The following HCN1 variants were observed in gnomAD, a reference collection of about 807,000 sequenced individuals.
HCN1 encodes potassium/sodium hyperpolarization-activated cyclic nucleotide-gated channel 1.
A neutral mutation model predicts 78.9 loss-of-function variants in HCN1; 13 were observed. The ratio of observed to expected loss-of-function variants is 0.16; its 90% CI spans 0.11 to 0.26. The LOEUF (loss-of-function observed/expected upper bound fraction) is 0.26. Among genes scored for constraint, HCN1 ranks in the 10% least tolerant of loss-of-function variants. The pLI, the probability that HCN1 is intolerant of heterozygous loss-of-function variation, is 1.00. For synonymous variants in HCN1, 552 were observed against 455.5 expected, an observed-to-expected ratio of 1.21 and a Z score of -2.70; for missense variants, 810 against 1,154.3, an observed-to-expected ratio of 0.70 and a Z score of 4.32.
At chr5:45,687,542 T>C (rs1739832405) in intron 1 of HCN1, among the ~76,000 whole-genome samples, 1 of 152,210 alleles carries the variant, frequency 6.6e-6, no homozygotes, top group African/African-American at 2.4e-5. Context: ...TACTATTTTT[T>C]TCATAGCAAC....
At chr5:45,318,168 AC>A (rs763495903) in intron 5 of HCN1, among the ~76,000 whole-genome samples, 2 of 152,206 alleles carry the variant, frequency 1.3e-5, no homozygotes, top group Non-Finnish European at 2.9e-5. Flanking sequence ...AACAACCCAA[AC>A]GTCCATCAAT....
intron 2 of HCN1, among the ~76,000 whole-genome samples, chr5:45,612,444 C>T (rs546356708): frequency 6.6e-6 from 1 of 152,260 alleles, no homozygotes; most frequent in South Asian, 2.1e-4. Context: ...TTTATAATGA[C>T]AGCCAACACA....
At chr5:45,648,294 C>A (rs1049093540) in intron 1 of HCN1, among the ~76,000 whole-genome samples, 2 of 152,090 alleles carry the variant, frequency 1.3e-5, no homozygotes. Context: ...TCCCTCAGAG[C>A]AATAGAGATG....
intron 6 of HCN1, among the ~76,000 whole-genome samples, chr5:45,275,591 A>T (rs1448111156): frequency 1.3e-5 from 2 of 152,120 alleles, no homozygotes; most frequent in African/African-American, 2.4e-5. Context: ...CTTGCATAAA[A>T]TCAGCTTTAC....
intron 3 of HCN1, among the ~76,000 whole-genome samples, chr5:45,415,320 G>A (rs989964742): frequency 1.3e-5 from 2 of 151,762 alleles, no homozygotes; most frequent in African/African-American, 4.8e-5. Context: ...CTAGTTACAC[G>A]TCAAATCATG....
At chr5:45,385,059 G>C (rs1747885254) in intron 4 of HCN1, among the ~76,000 whole-genome samples, 1 of 152,062 alleles carries the variant, frequency 6.6e-6, no homozygotes, top group Non-Finnish European at 1.5e-5. Flanking sequence ...TAATTATCTG[G>C]ATGGTAATTT....
chr5:45,694,895 G>GA (rs1739975010), intron 1 of HCN1, among the ~76,000 whole-genome samples: 1 of 152,188 alleles, frequency 6.6e-6, no homozygotes, highest in Admixed American at 6.5e-5. Context: ...TGGAGGACGT[G>GA]AAAAAGATTT....
chr5:45,592,425 T>G (rs986108961), intron 2 of HCN1, among the ~76,000 whole-genome samples: 20 of 152,278 alleles, frequency 1.3e-4, no homozygotes, highest in Admixed American at 1.3e-3. Flanking sequence ...TATTTTATTT[T>G]TCATGGGAAC....
At chr5:45,315,943 G>A (rs973927608) in intron 5 of HCN1, among the ~76,000 whole-genome samples, 4 of 152,102 alleles carry the variant, frequency 2.6e-5, no homozygotes, top group African/African-American at 7.2e-5. Flanking sequence ...ACCAAAAAAA[G>A]TACAGGACCA....
At chr5:45,361,165 T>G (rs1377520468) in intron 4 of HCN1, among the ~76,000 whole-genome samples, 1 of 152,136 alleles carries the variant, frequency 6.6e-6, no homozygotes, top group Non-Finnish European at 1.5e-5. Context: ...CTGCCTCAGC[T>G]GTAGCTGAGA....
intron 3 of HCN1, among the ~76,000 whole-genome samples, chr5:45,424,613 A>G (rs1021682507): frequency 2.0e-5 from 3 of 152,178 alleles, no homozygotes; most frequent in African/African-American, 7.2e-5. Flanking sequence ...AATCACAAAT[A>G]TTATTAAATT....
intron 3 of HCN1, among the ~76,000 whole-genome samples, chr5:45,427,061 G>T (rs929371162): frequency 6.6e-6 from 1 of 151,808 alleles, no homozygotes; most frequent in African/African-American, 2.4e-5. Context: ...ACATATTCGA[G>T]TAGTCTTGCC....
Position 45,360,117 on chromosome 5 carries a change from G to T in HCN1, c.1231-6871C>A, listed in dbSNP as rs183402891. 5.1e-4 allele frequency among the ~76,000 whole-genome samples: 77 copies of T among 151,178 alleles called. 1 individual carries two copies. Among genetic ancestry groups the T allele is most frequent in the African/African-American group, 1.7e-3 (69 of 41,376 alleles). On this transcript the variant is annotated intron_variant, in intron 4 of 7. Transcript: ENST00000303230. ...TAATTATTAGAAATATCATTAAAAA[G>T]CAAACAGGTTAAAAATCCAGTTGAA...
chr5:45,535,477 A>T (rs1742946698), intron 2 of HCN1, among the ~76,000 whole-genome samples: 1 of 152,106 alleles, frequency 6.6e-6, no homozygotes, highest in South Asian at 2.1e-4. Flanking sequence ...GGGTACCTGT[A>T]ATCCCAGCTA....
chr5:45,605,339 G>A (rs1321948778), intron 2 of HCN1, among the ~76,000 whole-genome samples: 1 of 151,824 alleles, frequency 6.6e-6, no homozygotes, highest in Non-Finnish European at 1.5e-5. Context: ...AAAAAGAATT[G>A]TAAAATTAAT....
At chr5:45,511,039 A>T (rs555880817) in intron 2 of HCN1, among the ~76,000 whole-genome samples, 1 of 151,704 alleles carries the variant, frequency 6.6e-6, no homozygotes, top group African/African-American at 2.4e-5. Context: ...ACTTAGGTTA[A>T]TGATAAATTT....
At chr5:45,554,412 T>C (rs1051189332) in intron 2 of HCN1, among the ~76,000 whole-genome samples, 1 of 151,808 alleles carries the variant, frequency 6.6e-6, no homozygotes, top group Non-Finnish European at 1.5e-5. Flanking sequence ...ATTACCATCT[T>C]GCCCACAGTA....
At chr5:45,558,286 A>G (rs925515669) in intron 2 of HCN1, 3 of 152,120 alleles carry the variant, frequency 2.0e-5, no homozygotes, top group African/African-American at 4.8e-5. Flanking sequence ...TAATTCTGTG[A>G]AGCCTGACAG....
At chr5:45,274,035 A>G (rs954924418) in intron 6 of HCN1, among the ~76,000 whole-genome samples, 5 of 152,310 alleles carry the variant, frequency 3.3e-5, no homozygotes. Flanking sequence ...TTCTTAGTAC[A>G]GTACTTTAAT....
Sources: allele counts gnomAD v4.1 joint callset (sites outside exome capture counted in the v4.1 genomes callset), GRCh38; gene constraint gnomAD v4.1.1; transcripts MANE v1.5; gene names NCBI Gene and HGNC (gene_info 2026-07-23, HGNC 2026-07-21).